The following LRFN5 variants were observed in gnomAD, a reference collection of about 807,000 sequenced individuals.
LRFN5 encodes the protein leucine rich repeat and fibronectin type III domain containing 5.
A neutral mutation model predicts 45.6 loss-of-function variants in LRFN5; 24 were observed. That is an observed-to-expected ratio of 0.53 (90% CI 0.38 to 0.74). LRFN5 has a LOEUF of 0.74. Ranked by LOEUF, LRFN5 falls within the 30% of genes least tolerant of loss-of-function variation. The pLI, the probability that LRFN5 is intolerant of heterozygous loss-of-function variation, is 0.00. For synonymous variants in LRFN5, 340 were observed against 313.8 expected, an observed-to-expected ratio of 1.08 and a Z score of -0.88; for missense variants, 776 against 861.5, an observed-to-expected ratio of 0.90 and a Z score of 1.24.
At chr14:41,897,735 C>G (rs546176005) in intron 4 of LRFN5, among the ~76,000 whole-genome samples, 2 of 151,978 alleles carry the variant, frequency 1.3e-5, no homozygotes, top group African/African-American at 4.8e-5. Context: ...TCTCTACAAC[C>G]TAATTTCATC....
chr14:41,893,029 TAA>T lies in LRFN5; in HGVS notation c.2098+1068_2098+1069del, dbSNP rs1178550166. The T allele has an allele frequency of 4.1e-6, 4 of 984,982 alleles. No individual in the cohort carries two copies. The South Asian group carries it at 1.4e-4, about 35-fold the overall frequency. The allele number at this position is 984,982 out of a possible 1,614,324, so 61.0% of individuals were successfully genotyped here. A position where few individuals can be genotyped will look rare whatever the true frequency, so the allele number is the denominator to read the frequency against. ...TCTAATGGTGTTCTCATTATATTTA[TAA>T]GTCATAAAAGTCATTGCTCATTAAG... On this transcript the variant is annotated intron_variant, in intron 4 of 5. Coordinates refer to ENST00000298119, the MANE Select transcript of LRFN5 (RefSeq NM_152447.5).
Position 41,887,736 on chromosome 14 carries a change from G to A in LRFN5, c.1111G>A (p.Asp371Asn). The change falls in exon 3 of 6, where the codon GAT becomes AAT. Residue 371 changes from aspartate to asparagine, a missense_variant. This residue lies in a region of LRFN5 where 465 missense variants were observed against 456.4 expected (regional missense o/e 1.02). Transcript: ENST00000298119. This position sits in a 1 kb window ranked among gnomAD's most constrained non-coding sequence, Gnocchi z 4.8. ...TGCTGGGGAAGCAACACAAATAGTGGATCTTCATATAATTAAGCTCCCTCA... is the reference window on the plus strand; with the variant it reads ...TGCTGGGGAAGCAACACAAATAGTGAATCTTCATATAATTAAGCTCCCTCA... ...NPAGEATQIV[D>N]LHIIKLPHLL... The A allele has an allele frequency of 6.2e-7, 1 of 1,613,952 alleles. No individual in the cohort carries two copies. Among genetic ancestry groups the A allele is most frequent in the African/African-American group, 1.3e-5 (1 of 75,028 alleles).
At chr14:41,850,684 G>A (rs1328550295) in intron 2 of LRFN5, among the ~76,000 whole-genome samples, 4 of 151,648 alleles carry the variant, frequency 2.6e-5, no homozygotes, top group Admixed American at 2.6e-4. Context: ...ATTTCCATGA[G>A]CAATTTCAAT....
At chr14:41,661,087 A>G (rs557602436) in intron 1 of LRFN5, among the ~76,000 whole-genome samples, 110 of 151,346 alleles carry the variant, frequency 7.3e-4, no homozygotes, top group Non-Finnish European at 1.4e-3. Context: ...TTGCATGTAT[A>G]GTACTAGTTC....
chr14:41,826,695 G>T (rs900350161), intron 2 of LRFN5, among the ~76,000 whole-genome samples: 6 of 152,112 alleles, frequency 3.9e-5, no homozygotes, highest in Admixed American at 6.6e-5. Context: ...CATGAAACCA[G>T]AGGCCAGATT....
chr14:41,775,867 G>A (rs545368226), intron 2 of LRFN5, among the ~76,000 whole-genome samples: 170 of 152,266 alleles, frequency 1.1e-3, no homozygotes, highest in Non-Finnish European at 1.9e-3. Context: ...TTTCTTATAT[G>A]CATCCTGCAA....
At chr14:41,822,764 G>A (rs896522431) in intron 2 of LRFN5, among the ~76,000 whole-genome samples, 4 of 148,196 alleles carry the variant, frequency 2.7e-5, no homozygotes, top group African/African-American at 1.0e-4. Flanking sequence ...CACTATTATT[G>A]TGTTGCTCTC....
intron 1 of LRFN5, among the ~76,000 whole-genome samples, chr14:41,650,727 G>T (rs911914246): frequency 6.6e-6 from 1 of 152,066 alleles, no homozygotes; most frequent in African/African-American, 2.4e-5. Context: ...GAAGTATTTT[G>T]TTCCTGGTTA....
Position 41,904,291 on chromosome 14 carries a change from A to G in LRFN5, c.*116A>G. On this transcript the variant is annotated 3_prime_UTR_variant, in exon 6 of 6. Transcript: ENST00000298119. ...AATTGTTGAACTGGTGTCGTAGAAG[A>G]AATTGTCTACAGGAGCCAAGGTGAA... The G allele has an allele frequency of 7.9e-7, 1 of 1,263,792 alleles. No homozygotes were observed. The highest frequency in any genetic ancestry group is 1.1e-6 in the Non-Finnish European group (1 of 875,914). The allele number at this position is 1,263,792 out of a possible 1,614,324, so 78.3% of individuals were successfully genotyped here. A position where few individuals can be genotyped will look rare whatever the true frequency, so the allele number is the denominator to read the frequency against.
At chr14:41,816,444 A>G (rs1446184652) in intron 2 of LRFN5, among the ~76,000 whole-genome samples, 1 of 151,958 alleles carries the variant, frequency 6.6e-6, no homozygotes, top group Non-Finnish European at 1.5e-5. Context: ...TTTATTTTTA[A>G]CATTTCTTTT....
At chr14:41,844,369 A>G (rs184610002) in intron 2 of LRFN5, among the ~76,000 whole-genome samples, 5,999 of 151,436 alleles carry the variant, frequency 0.04, 363 homozygotes, top group African/African-American at 0.13. Flanking sequence ...CCCAGGAGGC[A>G]GAGCTTGCAG....
intron 2 of LRFN5, among the ~76,000 whole-genome samples, chr14:41,810,012 A>T (rs2138989199): frequency 6.6e-6 from 1 of 152,192 alleles, no homozygotes; most frequent in South Asian, 2.1e-4. Flanking sequence ...TCAAATCTAT[A>T]CTAATGTGAA....
At chr14:41,650,084 A>G (rs575586830) in intron 1 of LRFN5, among the ~76,000 whole-genome samples, 3 of 152,264 alleles carry the variant, frequency 2.0e-5, no homozygotes, top group Non-Finnish European at 4.4e-5. Flanking sequence ...TAAACAAATT[A>G]TGTGCTGGTA....
intron 4 of LRFN5, among the ~76,000 whole-genome samples, chr14:41,897,304 A>G (rs1890973388): frequency 1.3e-5 from 2 of 152,002 alleles, no homozygotes; most frequent in East Asian, 1.9e-4. Flanking sequence ...CAAATTACAC[A>G]AACAGTGAAT....
chr14:41,677,132 A>G (rs1277320866), intron 1 of LRFN5, among the ~76,000 whole-genome samples: 1 of 152,166 alleles, frequency 6.6e-6, no homozygotes, highest in Non-Finnish European at 1.5e-5. Flanking sequence ...GAAAGGGGGG[A>G]AAAACAAGGG....
chr14:41,649,383 AAT>A (rs1009665894), intron 1 of LRFN5, among the ~76,000 whole-genome samples: 2 of 152,160 alleles, frequency 1.3e-5, no homozygotes, highest in African/African-American at 4.8e-5. Flanking sequence ...CACTTGAGTA[AAT>A]ATATTACCAC....
At chr14:41,898,732 A>C (rs986495472) in intron 4 of LRFN5, among the ~76,000 whole-genome samples, 185 bp from the exon 5 acceptor site, 10 of 152,022 alleles carry the variant, frequency 6.6e-5, no homozygotes, top group Non-Finnish European at 1.3e-4. Flanking sequence ...GACATAGAGA[A>C]CTGAAATATT....
chr14:41,643,909 A>G (rs1222698491), intron 1 of LRFN5, among the ~76,000 whole-genome samples: 1 of 152,186 alleles, frequency 6.6e-6, no homozygotes. Context: ...TCTCAAAGTG[A>G]ATTCTTTACT....
At chr14:41,666,160 T>C (rs983099929) in intron 1 of LRFN5, among the ~76,000 whole-genome samples, 1 of 152,040 alleles carries the variant, frequency 6.6e-6, no homozygotes, top group Non-Finnish European at 1.5e-5. Context: ...AATTATCTTA[T>C]CTGAATTTGT....
Sources: gnomAD v4.1 joint callset for allele counts (sites outside exome capture counted in the v4.1 genomes callset) on GRCh38, gnomAD v4.1.1 for gene constraint, gnomAD v4.1.1 regional missense constraint, Gnocchi (gnomAD v3.1) non-coding constraint, MANE v1.5 for transcripts, NCBI Gene and HGNC (gene_info 2026-07-23, HGNC 2026-07-21) for gene names.